MSRA: variants seen among roughly 807,000 people sequenced by gnomAD.
MSRA encodes methionine sulfoxide reductase A, also known as mitochondrial peptide methionine sulfoxide reductase.
In MSRA, 54 loss-of-function variants were observed where a neutral mutation model predicts 31.3. That is an observed-to-expected ratio of 1.73 (90% CI 1.39 to 2.17). The LOEUF (loss-of-function observed/expected upper bound fraction) is 2.17. Among genes scored for constraint, MSRA ranks in the 30% most tolerant of loss-of-function variants. MSRA has a pLI of 0.00. For missense variants in MSRA, 507 were observed against 300.9 expected (o/e 1.69, Z -5.07); for synonymous variants, 169 against 116.5 (o/e 1.45, Z -2.90).
chr8:10,146,304 T>G (rs1288952590), intron 1 of MSRA, among the ~76,000 whole-genome samples: 2 of 152,152 alleles, frequency 1.3e-5, no homozygotes, highest in African/African-American at 2.4e-5. Flanking sequence ...GTATTTGAAG[T>G]GTACTTTGCA....
At chr8:10,210,553 C>A (rs958982965) in intron 2 of MSRA, among the ~76,000 whole-genome samples, 1 of 152,134 alleles carries the variant, frequency 6.6e-6, no homozygotes, top group Non-Finnish European at 1.5e-5. Context: ...AGATCTCCTA[C>A]GGCTATCATG....
At chr8:10,078,028 C>T (rs188808711) in intron 1 of MSRA, among the ~76,000 whole-genome samples, 1 of 152,222 alleles carries the variant, frequency 6.6e-6, no homozygotes, top group Non-Finnish European at 1.5e-5. Context: ...CAACCAATTT[C>T]TGTGAAGAGC....
At chr8:10,136,191 G>GGCAGAGAGGAGCTCTGCGGT (rs780506297) in intron 1 of MSRA, among the ~76,000 whole-genome samples, 29 of 152,204 alleles carry the variant, frequency 1.9e-4, no homozygotes, top group African/African-American at 7.0e-4. Flanking sequence ...AGGGACCCCG[G>GGCAGAGAGGAGCTCTGCGGT]GCAGAGAGGA....
At chr8:10,415,888 A>ACCTTT (rs1808428995) in intron 5 of MSRA, among the ~76,000 whole-genome samples, 1 of 151,830 alleles carries the variant, frequency 6.6e-6, no homozygotes. Flanking sequence ...AGCAGGATTA[A>ACCTTT]CCTTTCCTTC....
chr8:10,139,778 A>T lies in MSRA; in HGVS notation c.143-68055A>T, dbSNP rs76997610. 7.7e-3 allele frequency among the ~76,000 whole-genome samples: 1,170 copies of T among 152,310 alleles called. 83 individuals are homozygous for T. In the East Asian group the frequency reaches 0.16, roughly 21 times the overall value. On this transcript the variant is annotated intron_variant, in intron 1 of 5. Transcript: ENST00000317173. Reference sequence around the variant, plus strand: ...TTTATCCAGTCATCTGGTGGTGGACATTGAGGTTATTTCTATATCCTTGCT... The same window carrying T: ...TTTATCCAGTCATCTGGTGGTGGACTTTGAGGTTATTTCTATATCCTTGCT...
intron 1 of MSRA, among the ~76,000 whole-genome samples, chr8:10,071,875 A>T (rs181543449): frequency 1.3e-5 from 2 of 152,160 alleles, no homozygotes; most frequent in Non-Finnish European, 2.9e-5. Context: ...CTCCAAGGAA[A>T]ACACAACACA....
intron 5 of MSRA, among the ~76,000 whole-genome samples, chr8:10,405,927 C>T (rs761562954): frequency 7.9e-5 from 12 of 152,272 alleles, no homozygotes; most frequent in Admixed American, 2.0e-4. Flanking sequence ...CACACACATG[C>T]TCACATGTGC....
chr8:10,274,717 G>C (rs759284245), intron 3 of MSRA, among the ~76,000 whole-genome samples: 2 of 151,846 alleles, frequency 1.3e-5, no homozygotes, highest in Non-Finnish European at 1.5e-5. Context: ...ATTTATCCAT[G>C]TATCCACTCA....
chr8:10,254,475 C>G (rs1563273809), intron 3 of MSRA, among the ~76,000 whole-genome samples: 1 of 152,326 alleles, frequency 6.6e-6, no homozygotes, highest in East Asian at 1.9e-4. Context: ...TTTAGAAGAG[C>G]AATTGAAAAC....
intron 5 of MSRA, among the ~76,000 whole-genome samples, chr8:10,339,152 G>C (rs541922503): frequency 1.3e-5 from 2 of 152,300 alleles, no homozygotes; most frequent in South Asian, 4.1e-4. Flanking sequence ...TCTGGTCCCT[G>C]CCTTTCCTAG....
At chr8:10,383,333 G>T (rs1281522622) in intron 5 of MSRA, among the ~76,000 whole-genome samples, 1 of 152,214 alleles carries the variant, frequency 6.6e-6, no homozygotes, top group Non-Finnish European at 1.5e-5. Flanking sequence ...CCTGCAATGA[G>T]AAGAGGTTCC....
rs115677640 is a variant in MSRA at position 10,237,102 on chromosome 8, C to G, written c.212-8002C>G. 4.9e-3 allele frequency among the ~76,000 whole-genome samples: 745 copies of G among 152,280 alleles called. 6 individuals carry two copies. The highest frequency in any genetic ancestry group is 0.017 in the African/African-American group (687 of 41,566). On this transcript the variant is annotated intron_variant, in intron 2 of 5. Coordinates refer to ENST00000317173, the MANE Select transcript of MSRA (RefSeq NM_012331.5). Reference sequence around the variant, plus strand: ...CTAAAATCACCTGTTAAGTAATATTCTGAACTAGTTAATGCAGGTTTTCAT... The same window carrying G: ...CTAAAATCACCTGTTAAGTAATATTGTGAACTAGTTAATGCAGGTTTTCAT...
chr8:10,240,612 GTGTTTC>G (rs1812325358), intron 2 of MSRA, among the ~76,000 whole-genome samples: 2 of 152,156 alleles, frequency 1.3e-5, no homozygotes, highest in African/African-American at 4.8e-5. Flanking sequence ...TCCAGTCTTT[GTGTTTC>G]TGGCCTCTGA....
chr8:10,360,786 C>T (rs1035072294), intron 5 of MSRA, among the ~76,000 whole-genome samples: 1 of 152,134 alleles, frequency 6.6e-6, no homozygotes, highest in Non-Finnish European at 1.5e-5. Flanking sequence ...TGGGAGGAGT[C>T]CACCCTCTAG....
rs888600276 is a variant in MSRA at position 10,209,126 on chromosome 8, T to A, written c.211+1225T>A. Among the ~76,000 whole-genome samples, 2 of 152,208 alleles carry A rather than the reference T, an allele frequency of 1.3e-5. 1 individual carries two copies. On this transcript the variant is annotated intron_variant, in intron 2 of 5. Transcript: ENST00000317173. ...AAATCATTATGCCCAGAAATTTAAA[T>A]GGAGAAGTTGATTTTGTAGAAGGCA... is the stretch of plus-strand genomic sequence containing the variant.
intron 1 of MSRA, among the ~76,000 whole-genome samples, chr8:10,204,396 A>G (rs948933489): frequency 2.0e-5 from 3 of 152,256 alleles, no homozygotes; most frequent in African/African-American, 7.2e-5. Flanking sequence ...TCCATTTGTC[A>G]TAAATACCCT....
chr8:10,269,962 ACT>A (rs1474347973), intron 3 of MSRA, among the ~76,000 whole-genome samples: 2 of 152,012 alleles, frequency 1.3e-5, no homozygotes, highest in African/African-American at 2.4e-5. Context: ...GCTACCGCTT[ACT>A]CTCTCTGTGA....
intron 2 of MSRA, among the ~76,000 whole-genome samples, chr8:10,211,193 G>T (rs1023457677): frequency 6.6e-6 from 1 of 152,218 alleles, no homozygotes; most frequent in Non-Finnish European, 1.5e-5. Context: ...GACAGATAGA[G>T]TGTGGGATAA....
chr8:10,070,642 C>G (rs994900594), intron 1 of MSRA, among the ~76,000 whole-genome samples: 1 of 152,214 alleles, frequency 6.6e-6, no homozygotes, highest in Non-Finnish European at 1.5e-5. Context: ...TTTATAGCCA[C>G]ATTGACCTTC....
Sources: allele counts gnomAD v4.1 joint callset (sites outside exome capture counted in the v4.1 genomes callset), GRCh38; gene constraint gnomAD v4.1.1; transcripts MANE v1.5; gene names NCBI Gene and HGNC (gene_info 2026-07-23, HGNC 2026-07-21).